TSTD2: variants seen among roughly 807,000 people sequenced by gnomAD.
TSTD2 encodes the protein thiosulfate sulfurtransferase/rhodanese-like domain-containing protein 2.
Under a neutral mutation model 47.9 loss-of-function variants are expected in TSTD2, and 37 were observed. The ratio of observed to expected loss-of-function variants is 0.77; its 90% CI spans 0.59 to 1.02. The LOEUF is 1.02. TSTD2 is among the 50% of genes least tolerant of loss of function. The pLI is 0.00. For missense variants in TSTD2, 586 were observed against 616.0 expected, an observed-to-expected ratio of 0.95 and a Z score of 0.52; for synonymous variants, 201 against 215.9, an observed-to-expected ratio of 0.93 and a Z score of 0.61.
chr9:97,615,079 C>G (rs1162434134), intron 4 of TSTD2, among the ~76,000 whole-genome samples: 1 of 152,174 alleles, frequency 6.6e-6, no homozygotes, highest in Non-Finnish European at 1.5e-5. Context: ...AGATTCTTTT[C>G]TAATTTATTT....
In TSTD2 at chr9:97,600,210, C is replaced by CT. The variant is rs1471137197; in HGVS notation, c.*2258dup. On this transcript the variant is annotated 3_prime_UTR_variant, in exon 10 of 10. Coordinates refer to ENST00000341170, the MANE Select transcript of TSTD2 (RefSeq NM_139246.5). ...TCGATTAAAGTTGCCAAATTGATTA[C>CT]TGGATCCAGAACACAATTTTCCCCT... 1 of 995,114 alleles carries CT rather than the reference C, an allele frequency of 1.0e-6. No individual in the cohort carries two copies. The highest frequency in any genetic ancestry group is 1.0e-4 in the East Asian group (1 of 9,586). 61.6% of individuals were successfully genotyped at this position (995,114 alleles called of 1,614,324 possible).
intron 3 of TSTD2, among the ~76,000 whole-genome samples, chr9:97,620,952 G>A (rs911532496): frequency 5.9e-5 from 9 of 152,200 alleles, no homozygotes; most frequent in African/African-American, 2.2e-4. Flanking sequence ...ATTTGCATGA[G>A]TAATGTGGAG....
chr9:97,618,880 T>C (rs548843646), intron 3 of TSTD2, among the ~76,000 whole-genome samples: 3 of 152,348 alleles, frequency 2.0e-5, no homozygotes, highest in South Asian at 4.1e-4. Context: ...TTTTAGATCC[T>C]ATTTTCCTTT....
At position 97,611,672 on chromosome 9, in the gene TSTD2, C is replaced by T; in HGVS notation, c.631G>A (p.Gly211Arg). Residue 211 changes from glycine (G) to arginine (R), a missense_variant, in exon 5 of 10, where the codon GGG (glycine) becomes AGG (arginine). Coordinates refer to ENST00000341170, the MANE Select transcript of TSTD2 (RefSeq NM_139246.5). The part of the protein sequence containing the change: ...KIRIAAEGIN[G>R]TVGGSKLATR... ...GCCAATTTGCTTCCACCAACTGTCC[C>T]ATTGATTCCTTCTGCAGCAATTCGA... 6.2e-7 allele frequency: 1 copy of T among 1,610,544 alleles called. No individual in the cohort carries two copies. Among genetic ancestry groups the T allele is most frequent in the Non-Finnish European group, 8.5e-7 (1 of 1,176,982 alleles).
At position 97,601,010 on chromosome 9, in the gene TSTD2, C is replaced by T; in HGVS notation, c.*1459G>A. On this transcript the variant is annotated 3_prime_UTR_variant, in exon 10 of 10. Transcript: ENST00000341170. ...AACTCCAGAGCACTGAGCAGAGAGG[C>T]TGGTGATGAAAAGGTGAAGGCCTGC... 1 of 1,288,438 alleles carries T rather than the reference C, an allele frequency of 7.8e-7. No homozygotes were observed. Among genetic ancestry groups the T allele is most frequent in the South Asian group, 1.3e-5 (1 of 79,012 alleles). The allele number at this position is 1,288,438 out of a possible 1,614,324, so 79.8% of individuals were successfully genotyped here. A position where few individuals can be genotyped will look rare whatever the true frequency, so the allele number is the denominator to read the frequency against.
At chr9:97,627,716 G>A (rs1194370685) in intron 1 of TSTD2, 104 bp from the exon 2 acceptor site, 4 of 669,946 alleles carry the variant, frequency 6.0e-6, no homozygotes. Context: ...AGTAGCCCAA[G>A]CTAACCATCC....
intron 4 of TSTD2, among the ~76,000 whole-genome samples, chr9:97,616,490 T>G (rs1826544127): frequency 6.6e-6 from 1 of 152,060 alleles, no homozygotes; most frequent in East Asian, 1.9e-4. Flanking sequence ...AGCTACTGAA[T>G]GGACTGGGTA....
At chr9:97,622,869 C>T (rs1299650304) in intron 3 of TSTD2, among the ~76,000 whole-genome samples, 1 of 152,250 alleles carries the variant, frequency 6.6e-6, no homozygotes, top group Non-Finnish European at 1.5e-5. Context: ...CCTATGCCCC[C>T]ATTGTATCTA....
At position 97,602,572 on chromosome 9, in the gene TSTD2, G is replaced by A. The variant is rs1289690982; in HGVS notation, c.1448C>T (p.Ala483Val). Reference protein sequence around the residue: ...DSFKEECECTARRPRIPRELL... With the variant: ...DSFKEECECTVRRPRIPRELL... ...TTCCCTAGGTATGCGTGGCCGTCGG[G>A]CTGTGCACTCGCATTCCTCTTTAAA... The change falls in exon 10 of 10, where the codon GCC (alanine) becomes GTC (valine). Residue 483 changes from alanine (A) to valine (V), a missense_variant. Transcript: ENST00000341170. 1 of 1,614,212 alleles carries A rather than the reference G, an allele frequency of 6.2e-7. No individual in the cohort carries two copies. Among genetic ancestry groups the A allele is most frequent in the Non-Finnish European group, 8.5e-7 (1 of 1,180,040 alleles).
chr9:97,602,398 C>T lies in TSTD2; in HGVS notation c.*71G>A, dbSNP rs1826276163. On this transcript the variant is annotated 3_prime_UTR_variant, in exon 10 of 10. Transcript: ENST00000341170. ...CGATTTCTCTGTTTCTGCAGTCTTGCCATGCTTTCTCTGTATAGTCACCCC... is the reference window on the plus strand; with the variant it reads ...CGATTTCTCTGTTTCTGCAGTCTTGTCATGCTTTCTCTGTATAGTCACCCC... 6.8e-7 allele frequency: 1 copy of T among 1,475,976 alleles called. No homozygotes were observed. The allele number at this position is 1,475,976 out of a possible 1,614,324, so 91.4% of individuals were successfully genotyped here.
intron 5 of TSTD2, chr9:97,611,248 C>T (rs113682186): frequency 0.024 from 4,555 of 190,056 alleles, 183 homozygotes; most frequent in East Asian, 0.13. Context: ...CCAGCCTGGG[C>T]AACATAGTGA....
chr9:97,611,879 T>A (rs1157256257), intron 4 of TSTD2, among the ~76,000 whole-genome samples, 180 bp from the exon 5 acceptor site: 2 of 152,216 alleles, frequency 1.3e-5, no homozygotes, highest in African/African-American at 4.8e-5. Flanking sequence ...TTTAAACTTT[T>A]AAGTCCAGGG....
At position 97,605,506 on chromosome 9, in the gene TSTD2, C is replaced by T; in HGVS notation, c.1090G>A (p.Gly364Ser). 2 of 1,613,890 alleles carry T rather than the reference C, an allele frequency of 1.2e-6. No individual in the cohort carries two copies. Among genetic ancestry groups the T allele is most frequent in the Non-Finnish European group, 1.7e-6 (2 of 1,179,920 alleles). Residue 364 changes from glycine to serine, a missense_variant, in exon 8 of 10, where the codon GGT becomes AGT. By Grantham distance (56) the Gly-to-Ser change is moderately conservative. Transcript: ENST00000341170. ...YCTGGIRCERGSAYLKAKGVC... is the reference protein window; with the variant it reads ...YCTGGIRCERSSAYLKAKGVC... Reference sequence around the variant, plus strand: ...ACCTTGGCTTTGAGGTAGGCTGAACCCCGCTCACAGCGGATGCCCCCGGTA... The same window carrying T: ...ACCTTGGCTTTGAGGTAGGCTGAACTCCGCTCACAGCGGATGCCCCCGGTA...
intron 3 of TSTD2, among the ~76,000 whole-genome samples, chr9:97,624,566 T>C (rs1826689871): frequency 6.6e-6 from 1 of 152,030 alleles, no homozygotes; most frequent in African/African-American, 2.4e-5. Flanking sequence ...GGAGGAGAGG[T>C]AACAGAAGAG....
chr9:97,606,069 C>T, intron 7 of TSTD2, 74 bp downstream of exon 7: 2 of 1,141,824 alleles, frequency 1.8e-6, no homozygotes, highest in Non-Finnish European at 2.6e-6. Context: ...ACAAGGTCCC[C>T]TTGGGAAATA....
At chr9:97,611,116 T>A (rs1448583711) in intron 5 of TSTD2, 1 of 158,566 alleles carries the variant, frequency 6.3e-6, no homozygotes, top group Non-Finnish European at 1.4e-5. Context: ...TTGTACTGTC[T>A]CGTAACCTAA....
chr9:97,605,686 C>T, intron 7 of TSTD2, 45 bp from the exon 8 acceptor site: 1 of 1,612,762 alleles, frequency 6.2e-7, no homozygotes, highest in Non-Finnish European at 8.5e-7. Context: ...GAAAAACATA[C>T]CTGGTAGGAA....
intron 3 of TSTD2, among the ~76,000 whole-genome samples, chr9:97,622,120 C>T (rs1318298979): frequency 3.3e-5 from 5 of 152,144 alleles, no homozygotes; most frequent in Non-Finnish European, 5.9e-5. Flanking sequence ...CTGGTTCCCC[C>T]GATAATGCCT....
In TSTD2 at chr9:97,617,786, G is replaced by A; in HGVS notation, c.574C>T (p.Leu192=). The part of the protein sequence containing the change: ...PQWICAWQTA[L]CQHLHLTGKI... The stretch of plus-strand genomic sequence containing the variant: ...CCTGTGAGGTGCAGGTGCTGACACA[G>A]AGCTGTCTGCCAGGCACAGATCCAT... Residue 192 remains leucine (L), a synonymous_variant, in exon 4 of 10, where the codon CTG becomes TTG. Transcript: ENST00000341170. The A allele has an allele frequency of 6.8e-6, 11 of 1,614,114 alleles. No homozygotes were observed. The highest frequency in any genetic ancestry group is 9.3e-6 in the Non-Finnish European group (11 of 1,179,998).
Sources: allele counts gnomAD v4.1 joint callset (sites outside exome capture counted in the v4.1 genomes callset), GRCh38; gene constraint gnomAD v4.1.1; transcripts MANE v1.5; gene names NCBI Gene and HGNC (gene_info 2026-07-23, HGNC 2026-07-21).